Variants in ATP8B3 observed in about 807,000 individuals in gnomAD.
The protein encoded by ATP8B3 is ATPase phospholipid transporting 8B3.
In ATP8B3, 141 loss-of-function variants were observed where a neutral mutation model predicts 140.9. That is an observed-to-expected ratio of 1.00 (90% CI 0.87 to 1.15). The LOEUF (loss-of-function observed/expected upper bound fraction) is 1.15, where lower values mean the gene tolerates loss of function less well. Ranked by LOEUF, ATP8B3 falls within the 50% of genes most tolerant of loss-of-function variation. The pLI is 0.00. For missense variants in ATP8B3, 1,874 were observed against 1,740.6 expected, an observed-to-expected ratio of 1.08 and a Z score of -1.36; for synonymous variants, 765 against 714.6, an observed-to-expected ratio of 1.07 and a Z score of -1.13.
rs1370078879 is a variant in ATP8B3, at chr19:1,800,860, G to A, written c.1153-411C>T. Reference sequence around the variant, plus strand: ...TTTTTTTTTTTTGAGACAGAGTCTCGCTCTCTCTCCCAGGCTGGAGTGCAG... The same window carrying A: ...TTTTTTTTTTTTGAGACAGAGTCTCACTCTCTCTCCCAGGCTGGAGTGCAG... On this transcript the variant is annotated intron_variant, in intron 12 of 28. Coordinates refer to ENST00000310127, the MANE Select transcript of ATP8B3 (RefSeq NM_138813.4). This position sits in a 1 kb window ranked among gnomAD's most constrained non-coding sequence, Gnocchi z 4.4. Among the ~76,000 whole-genome samples, 3 of 144,892 alleles carry A rather than the reference G, an allele frequency of 2.1e-5. No homozygotes were observed. The highest frequency in any genetic ancestry group is 1.4e-4 in the Admixed American group (2 of 14,150).
rs965386877 is a variant in ATP8B3, at chr19:1,794,435, A to T, written c.2055+1440T>A. 6.6e-6 allele frequency among the ~76,000 whole-genome samples: 1 copy of T among 151,810 alleles called. No individual in the cohort carries two copies. Among genetic ancestry groups the T allele is most frequent in the Non-Finnish European group, 1.5e-5 (1 of 67,930 alleles). On this transcript the variant is annotated intron_variant, in intron 18 of 28. Transcript: ENST00000310127. The surrounding 1 kb of genome is among the most constrained non-coding windows in gnomAD (Gnocchi z 4.8). ...CCTGGCAGAGCAGGGGACACAGGACATCTTCCCACACACACCCCGCTGCCC... is the reference window on the plus strand; with the variant it reads ...CCTGGCAGAGCAGGGGACACAGGACTTCTTCCCACACACACCCCGCTGCCC...
chr19:1,792,135 C>A lies in ATP8B3; in HGVS notation c.2056G>T (p.Ala686Ser). ...MEFATEEALA[A>S]FAQETLRTLC... ...GTCCGCAGGGTCTCCTGGGCAAAGG[C>A]CTGGGGGCCGGGCAGGTGGAAGCTG... is the stretch of plus-strand genomic sequence containing the variant. The change falls in exon 19 of 29, where the codon GCC becomes TCC. Residue 686 changes from alanine to serine, a missense_variant and splice_region_variant. By Grantham distance (99) the Ala-to-Ser change is moderately conservative. Around this residue, in one of 3 missense-constraint regions of ATP8B3, gnomAD observed 1,032 missense variants for 963.6 expected, o/e 1.07. Transcript: ENST00000310127. The A allele has an allele frequency of 6.4e-7, 1 of 1,573,400 alleles. No individual in the cohort carries two copies.
At chr19:1,798,121 C>A (rs1263124697) in intron 14 of ATP8B3, among the ~76,000 whole-genome samples, 1 of 151,348 alleles carries the variant, frequency 6.6e-6, no homozygotes, top group Non-Finnish European at 1.5e-5. Flanking sequence ...CAGGTGCCTG[C>A]CACCATGCCT....
At chr19:1,795,206 G>A (rs2068628548) in intron 18 of ATP8B3, among the ~76,000 whole-genome samples, 2 of 152,098 alleles carry the variant, frequency 1.3e-5, no homozygotes, top group African/African-American at 4.8e-5. Context: ...AGTGACTCAA[G>A]ATTGCACCAT....
At position 1,806,378 on chromosome 19, in the gene ATP8B3, T is replaced by C; in HGVS notation, c.678-209A>G. Reference sequence around the variant, plus strand: ...TGACCTCCAGGGTCCTGCACCCACGTCCTCTTCAGACTTTCCTTGTCCTCC... The same window carrying C: ...TGACCTCCAGGGTCCTGCACCCACGCCCTCTTCAGACTTTCCTTGTCCTCC... On this transcript the variant is annotated intron_variant, in intron 7 of 28. Coordinates refer to ENST00000310127, the MANE Select transcript of ATP8B3 (RefSeq NM_138813.4). The surrounding 1 kb of genome is among the most constrained non-coding windows in gnomAD (Gnocchi z 5.6). The C allele has an allele frequency of 6.9e-7, 1 of 1,444,906 alleles. No homozygotes were observed. Among genetic ancestry groups the C allele is most frequent in the Non-Finnish European group, 9.0e-7 (1 of 1,105,910 alleles). The allele number at this position is 1,444,906 out of a possible 1,614,324, so 89.5% of individuals were successfully genotyped here.
chr19:1,787,456 C>T (rs116728032), intron 24 of ATP8B3, among the ~76,000 whole-genome samples: 6,394 of 152,142 alleles, frequency 0.042, 137 homozygotes, highest in Middle Eastern at 0.13. Flanking sequence ...AGGCTGGGCA[C>T]GGTGGCTCAC....
intron 24 of ATP8B3, among the ~76,000 whole-genome samples, 168 bp from the exon 25 acceptor site, chr19:1,787,354 A>C (rs1240078801): frequency 1.3e-5 from 2 of 152,162 alleles, no homozygotes; most frequent in African/African-American, 4.8e-5. Flanking sequence ...TAAAGGCGGC[A>C]AGATAAAGGG....
rs758031593 is a variant in ATP8B3 at position 1,792,123 on chromosome 19, C to G, written c.2068G>C (p.Glu690Gln). The change falls in exon 19 of 29, where the codon GAG becomes CAG. Residue 690 changes from glutamate to glutamine, a missense_variant. Physicochemically the swap from Glu to Gln is conservative, Grantham distance 29. Around this residue, in one of 3 missense-constraint regions of ATP8B3, gnomAD observed 1,032 missense variants for 963.6 expected, o/e 1.07. Coordinates refer to ENST00000310127, the MANE Select transcript of ATP8B3 (RefSeq NM_138813.4). The stretch of plus-strand genomic sequence containing the variant: ...GCCAGGCACAGTGTCCGCAGGGTCT[C>G]CTGGGCAAAGGCCTGGGGGCCGGGC... ...TEEALAAFAQETLRTLCLAYR... is the reference protein window; with the variant it reads ...TEEALAAFAQQTLRTLCLAYR... The G allele has an allele frequency of 8.2e-6, 13 of 1,578,552 alleles. No homozygotes were observed. The highest frequency in any genetic ancestry group is 1.0e-5 in the Non-Finnish European group (12 of 1,168,908).
chr19:1,796,768 G>T lies in ATP8B3; in HGVS notation c.1696C>A (p.Arg566Ser). Residue 566 changes from arginine to serine, a missense_variant, in exon 16 of 29, where the codon CGC (arginine) becomes AGC (serine). Coordinates refer to ENST00000310127, the MANE Select transcript of ATP8B3 (RefSeq NM_138813.4). ...ACCGTGTGGCAGATGGCCAGCAGGC[G>T]CCAGAACTCCCGCACGGCCTCGTCC... ...NGDEAVREFW[R>S]LLAICHTVMV... 1 of 1,612,314 alleles carries T rather than the reference G, an allele frequency of 6.2e-7. No individual in the cohort carries two copies. The highest frequency in any genetic ancestry group is 8.5e-7 in the Non-Finnish European group (1 of 1,179,620).
Position 1,811,836 on chromosome 19 carries a change from G to A in ATP8B3, c.-100C>T. On this transcript the variant is annotated 5_prime_UTR_variant, in exon 2 of 29. Coordinates refer to ENST00000310127, the MANE Select transcript of ATP8B3 (RefSeq NM_138813.4). The stretch of plus-strand genomic sequence containing the variant: ...CCCCCGTGGGGGCAGACTGGGGATT[G>A]GAGAGTTGGAGAGAATGCTCAAATG... The A allele has an allele frequency of 7.9e-7, 1 of 1,265,242 alleles. No homozygotes were observed. The highest frequency in any genetic ancestry group is 1.6e-5 in the South Asian group (1 of 63,650). The allele number at this position is 1,265,242 out of a possible 1,614,324, so 78.4% of individuals were successfully genotyped here.
chr19:1,796,853 G>A lies in ATP8B3; in HGVS notation c.1611C>T (p.Phe537=), dbSNP rs779376187. Residue 537 remains phenylalanine (F), a synonymous_variant, in exon 16 of 29, where the codon TTC becomes TTT. Coordinates refer to ENST00000310127, the MANE Select transcript of ATP8B3 (RefSeq NM_138813.4). ...PKENPYLWNK[F]ADGKLLFHNA... ...TGTGGAAGAGCAGCTTCCCGTCGGC[G>A]AACTTGTTCCAGAGGTAGGGGTTCT... The A allele has an allele frequency of 4.8e-5, 78 of 1,612,162 alleles. No individual in the cohort carries two copies. Among genetic ancestry groups the A allele is most frequent in the Non-Finnish European group, 6.2e-5 (73 of 1,179,418 alleles).
Position 1,785,706 on chromosome 19 carries a change from G to T in ATP8B3, c.3156C>A (p.Asp1052Glu), listed in dbSNP as rs1484078008. 1.4e-6 allele frequency: 2 copies of T among 1,437,570 alleles called. No individual in the cohort carries two copies. Among genetic ancestry groups the T allele is most frequent in the East Asian group, 3.6e-5 (1 of 27,910 alleles). The allele number at this position is 1,437,570 out of a possible 1,614,324, so 89.1% of individuals were successfully genotyped here. Residue 1052 changes from aspartate to glutamate, a missense_variant and splice_region_variant, in exon 26 of 29, where the codon GAC becomes GAA. Physicochemically the swap from Asp to Glu is conservative, Grantham distance 45. Transcript: ENST00000310127. ...PVLYIGLFEQ[D>E]VSAEQSLEKP... Reference sequence around the variant, plus strand: ...TCTCCAGGCTCTGCTCTGCGCTCACGTCCTTGGGGCAAGCAGAAGCTCTTG... The same window carrying T: ...TCTCCAGGCTCTGCTCTGCGCTCACTTCCTTGGGGCAAGCAGAAGCTCTTG...
chr19:1,808,423 G>A, intron 4 of ATP8B3, 88 bp from the exon 5 acceptor site: 1 of 889,196 alleles, frequency 1.1e-6, no homozygotes. Flanking sequence ...GCCTCACTTG[G>A]CCTCGCCCAG....
chr19:1,809,538 A>C, intron 4 of ATP8B3, 105 bp downstream of exon 4: 1 of 918,722 alleles, frequency 1.1e-6, no homozygotes. Context: ...AAAACTATCG[A>C]GCAAATACAA....
chr19:1,794,189 G>C lies in ATP8B3; in HGVS notation c.2055+1686C>G, dbSNP rs2068601759. 6.6e-6 allele frequency among the ~76,000 whole-genome samples: 1 copy of C among 152,210 alleles called. No individual in the cohort carries two copies. The highest frequency in any genetic ancestry group is 2.1e-4 in the South Asian group (1 of 4,824). ...ACCACAGGCACGCGCCACCATGTCT[G>C]ATTTCCCTTTTGTTGTTGATGGGGC... On this transcript the variant is annotated intron_variant, in intron 18 of 28. Transcript: ENST00000310127. The surrounding 1 kb of genome is among the most constrained non-coding windows in gnomAD (Gnocchi z 4.8).
In ATP8B3 at chr19:1,792,003, G is replaced by A; in HGVS notation, c.2188C>T (p.Gln730Ter). ...LLQNRAQALQ[Q>*]LLGATAIEDR... ...TCCTGCTCCATCTCGTTGTACACCT[G>A]TTGCAGGGCCTGTGCCCGGTTCTGC... Residue 730 changes from glutamine (Q) to a stop codon, truncating the protein, a stop_gained and splice_region_variant, in exon 19 of 29, where the codon CAG (glutamine) becomes TAG (stop). Transcript: ENST00000310127. LOFTEE classifies it high-confidence loss of function. 6.4e-7 allele frequency: 1 copy of A among 1,555,702 alleles called. No homozygotes were observed. The highest frequency in any genetic ancestry group is 2.4e-5 in the East Asian group (1 of 41,294).
rs1323097155 is a variant in ATP8B3 at position 1,800,468 on chromosome 19, AG to A, written c.1153-20del. 1.1e-6 allele frequency: 1 copy of A among 936,670 alleles called. No homozygotes were observed. The highest frequency in any genetic ancestry group is 1.9e-5 in the Admixed American group (1 of 52,128). The allele number at this position is 936,670 out of a possible 1,614,324, so 58.0% of individuals were successfully genotyped here. On this transcript the variant is annotated intron_variant, in intron 12 of 28. Coordinates refer to ENST00000310127, the MANE Select transcript of ATP8B3 (RefSeq NM_138813.4). The surrounding 1 kb of genome is among the most constrained non-coding windows in gnomAD (Gnocchi z 4.4). ...TGAAGATCTGGAAGGCAGACGCGAC[AG>A]GGTGGGTGAGGGGGGCGGGGGTCCC...
chr19:1,783,093 T>C lies in ATP8B3; in HGVS notation c.3838A>G (p.Ile1280Val), dbSNP rs769971717. 3 of 1,613,184 alleles carry C rather than the reference T, an allele frequency of 1.9e-6. No homozygotes were observed. The highest frequency in any genetic ancestry group is 1.1e-5 in the South Asian group (1 of 90,978). The change falls in exon 29 of 29, where the codon ATA becomes GTA. Residue 1280 changes from isoleucine (I) to valine (V), a missense_variant. Coordinates refer to ENST00000310127, the MANE Select transcript of ATP8B3 (RefSeq NM_138813.4). ...LRRGPGVSSD[I>V]ASESLDPSDE... The stretch of plus-strand genomic sequence containing the variant: ...GATGGGTCTAGGGATTCAGATGCTA[T>C]GTCACTGCTGACCCCTGGTCCCCTC...
chr19:1,787,728 TAAAAAAAAAAAAAAAAAA>T (rs561418063), intron 24 of ATP8B3, among the ~76,000 whole-genome samples: 65,812 of 120,608 alleles, frequency 0.55, 18,254 homozygotes, highest in Non-Finnish European at 0.65. Flanking sequence ...AAACTCTGTC[TAAAAAAAAAAAAAAAAAA>T]AAAAAAAAAA....
Sources: allele counts gnomAD v4.1 joint callset (sites outside exome capture counted in the v4.1 genomes callset), GRCh38; gene constraint gnomAD v4.1.1; regional missense constraint gnomAD v4.1.1; non-coding constraint Gnocchi (gnomAD v3.1); transcripts MANE v1.5; gene names NCBI Gene and HGNC (gene_info 2026-07-23, HGNC 2026-07-21).